ARHGAP45: variants seen among roughly 807,000 people sequenced by gnomAD.
ARHGAP45 encodes the protein rho GTPase-activating protein 45.
ARHGAP45 carries 56 observed loss-of-function variants against 116.1 expected under a neutral mutation model. The ratio of observed to expected loss-of-function variants is 0.48; its 90% CI spans 0.39 to 0.60. The LOEUF is 0.60. ARHGAP45 is among the 20% of genes least tolerant of loss of function. The pLI is 0.00. For synonymous variants in ARHGAP45, 866 were observed against 701.7 expected, an observed-to-expected ratio of 1.23 and a Z score of -3.70; for missense variants, 1,622 against 1,601.0, an observed-to-expected ratio of 1.01 and a Z score of -0.22.
intron 1 of ARHGAP45, among the ~76,000 whole-genome samples, chr19:1,067,963 G>C (rs928354810): frequency 1.5e-5 from 2 of 136,390 alleles, no homozygotes; most frequent in East Asian, 2.6e-4. Flanking sequence ...CTGGGGGGGG[G>C]GTCTACAGAG....
chr19:1,068,895 A>C lies in ARHGAP45; in HGVS notation c.421+151A>C. On this transcript the variant is annotated intron_variant, in intron 2 of 22. Transcript: ENST00000313093. The surrounding 1 kb of genome is among the most constrained non-coding windows in gnomAD (Gnocchi z 7.5). ...AGAGGCCATGACAGCTAAGGCTCTG[A>C]GGGATGTGTAGGAGTTTGGTGGGGG... 1 of 741,516 alleles carries C rather than the reference A, an allele frequency of 1.3e-6. No homozygotes were observed. 45.9% of individuals were successfully genotyped at this position (741,516 alleles called of 1,614,324 possible). A position where few individuals can be genotyped will look rare whatever the true frequency, so the allele number is the denominator to read the frequency against.
chr19:1,075,236 CTTTTTTT>C (rs551827897), intron 10 of ARHGAP45, among the ~76,000 whole-genome samples: 1 of 131,050 alleles, frequency 7.6e-6, no homozygotes, highest in African/African-American at 2.9e-5. Context: ...TGCATGTATT[CTTTTTTT>C]TTTTTTTTTT....
In ARHGAP45 at chr19:1,068,743, C is replaced by T. The variant is rs3764655; in HGVS notation, c.420C>T (p.Asp140=). 4.5e-5 allele frequency: 72 copies of T among 1,610,406 alleles called. No individual in the cohort carries two copies. The East Asian group carries it at 1.0e-3, about 23-fold the overall frequency. Residue 140 remains aspartate, a splice_region_variant and synonymous_variant, in exon 2 of 23, where the codon GAC becomes GAT. Transcript: ENST00000313093. This position sits in a 1 kb window ranked among gnomAD's most constrained non-coding sequence, Gnocchi z 7.5. ...AACTTAAGGAGTGTGTGTTGCGTGA[C>T]GGTGAGAGCCACGGGGACACCGAGG... is the stretch of plus-strand genomic sequence containing the variant. ...LEKLKECVLR[D]DLLEARRPRA... is the part of the protein sequence containing the mutation.
chr19:1,086,187 CT>C lies in ARHGAP45; in HGVS notation c.*183del. ...CAGAGGCTTCCAGGAGCACGAGGGC[CT>C]TGCGGCACAGGACTGTGCCCTGTGC... On this transcript the variant is annotated 3_prime_UTR_variant, in exon 23 of 23. Coordinates refer to ENST00000313093, the MANE Select transcript of ARHGAP45 (RefSeq NM_012292.5). 1.6e-6 allele frequency: 1 copy of C among 608,064 alleles called. No homozygotes were observed. Among genetic ancestry groups the C allele is most frequent in the Non-Finnish European group, 2.9e-6 (1 of 343,950 alleles). 37.7% of individuals were successfully genotyped at this position (608,064 alleles called of 1,614,324 possible).
In ARHGAP45 at chr19:1,080,312, G is replaced by C. The variant is rs2074454; in HGVS notation, c.1761G>C (p.Pro587=). 0.77 allele frequency: 1,233,260 copies of C among 1,611,504 alleles called. 473,193 individuals carry two copies. The highest frequency in any genetic ancestry group is 0.85 in the Admixed American group (51,010 of 59,776). ...SSFNVSDVAR[P]EAAGSPPEEG... The stretch of plus-strand genomic sequence containing the variant: ...TCAACGTGAGTGATGTGGCGCGGCC[G>C]GAGGCTGCCGGGAGCCCCCCAGAAG... Residue 587 remains proline, a synonymous_variant, in exon 14 of 23, where the codon CCG becomes CCC. Coordinates refer to ENST00000313093, the MANE Select transcript of ARHGAP45 (RefSeq NM_012292.5).
intron 10 of ARHGAP45, chr19:1,077,541 G>C: frequency 9.2e-7 from 1 of 1,085,606 alleles, no homozygotes; most frequent in Non-Finnish European, 1.2e-6. Flanking sequence ...GCACCACAAT[G>C]CCCGGCTAAT....
chr19:1,084,444 C>T, intron 22 of ARHGAP45, 98 bp downstream of exon 22: 1 of 842,464 alleles, frequency 1.2e-6, no homozygotes, highest in South Asian at 1.6e-5. Context: ...TGGCAGGGTC[C>T]ACGGTGCTGC....
intron 11 of ARHGAP45, 127 bp from the exon 12 acceptor site, chr19:1,079,576 C>A: frequency 8.5e-7 from 1 of 1,177,530 alleles, no homozygotes; most frequent in Middle Eastern, 2.9e-4. Context: ...TGGCCTCAAG[C>A]AAGTCTCCCA....
In ARHGAP45 at chr19:1,073,566, C is replaced by T. The variant is rs145027652; in HGVS notation, c.626C>T (p.Thr209Met). 3.2e-4 allele frequency: 516 copies of T among 1,613,868 alleles called. 1 individual carries two copies. Among genetic ancestry groups the T allele is most frequent in the African/African-American group, 1.1e-3 (81 of 74,986 alleles). The stretch of plus-strand genomic sequence containing the variant: ...CAGGAGTTCGAGAAGGCCCTGGAGA[C>T]GATTGCTGTGGCCTTCAGTAGCACG... Reference protein sequence around the residue: ...EKQEFEKALETIAVAFSSTVS... With the variant: ...EKQEFEKALEMIAVAFSSTVS... The change falls in exon 4 of 23, where the codon ACG becomes ATG. Residue 209 changes from threonine (T) to methionine (M), a missense_variant. Thr to Met is a moderately conservative substitution (Grantham distance 81, BLOSUM62 -1). Coordinates refer to ENST00000313093, the MANE Select transcript of ARHGAP45 (RefSeq NM_012292.5).
Position 1,078,054 on chromosome 19 carries a change from G to A in ARHGAP45, c.1374+9G>A, listed in dbSNP as rs763959070. ...AGGAGGCCAAGAACAAGGTGAGGGCGGGTGGAGGCAGGGCTGGAGGTCCCT... is the reference window on the plus strand; with the variant it reads ...AGGAGGCCAAGAACAAGGTGAGGGCAGGTGGAGGCAGGGCTGGAGGTCCCT... On this transcript the variant is annotated intron_variant, in intron 11 of 22. Coordinates refer to ENST00000313093, the MANE Select transcript of ARHGAP45 (RefSeq NM_012292.5). 38 of 1,546,284 alleles carry A rather than the reference G, an allele frequency of 2.5e-5. No individual in the cohort carries two copies. Among genetic ancestry groups the A allele is most frequent in the Middle Eastern group, 1.7e-4 (1 of 5,852 alleles).
chr19:1,074,062 G>T, intron 6 of ARHGAP45, 42 bp from the exon 7 acceptor site: 1 of 1,605,006 alleles, frequency 6.2e-7, no homozygotes, highest in Non-Finnish European at 8.5e-7. Context: ...GTGGGCCATT[G>T]CGCGGGTCGG....
rs772053099 is a variant in ARHGAP45, at chr19:1,068,489, G to A, written c.166G>A (p.Val56Ile). 19 of 1,590,658 alleles carry A rather than the reference G, an allele frequency of 1.2e-5. No individual in the cohort carries two copies. Among genetic ancestry groups the A allele is most frequent in the East Asian group, 2.3e-5 (1 of 43,460 alleles). The stretch of plus-strand genomic sequence containing the variant: ...GGAGCCGCCCGCTGGGTCCTCCGGC[G>A]TCAAGGCCACAGGGACCCTCAAGCG... The part of the protein sequence containing the change: ...SLEPPAGSSG[V>I]KATGTLKRPT... The change falls in exon 2 of 23, where the codon GTC becomes ATC. Residue 56 changes from valine to isoleucine, a missense_variant. By Grantham distance (29) the Val-to-Ile change is conservative (BLOSUM62 3). Coordinates refer to ENST00000313093, the MANE Select transcript of ARHGAP45 (RefSeq NM_012292.5). This position sits in a 1 kb window ranked among gnomAD's most constrained non-coding sequence, Gnocchi z 7.5.
intron 22 of ARHGAP45, among the ~76,000 whole-genome samples, chr19:1,085,232 C>G (rs1372181259): frequency 6.6e-6 from 1 of 152,134 alleles, no homozygotes. Context: ...AAAGGGAGAG[C>G]TTGTGTCCGG....
intron 21 of ARHGAP45, 89 bp from the exon 22 acceptor site, chr19:1,084,149 C>A: frequency 8.2e-7 from 1 of 1,214,642 alleles, no homozygotes; most frequent in Non-Finnish European, 1.2e-6. Context: ...GTGTCAGTAG[C>A]TGTTACGGGC....
chr19:1,085,474 G>C (rs1023039481), intron 22 of ARHGAP45, among the ~76,000 whole-genome samples, 186 bp from the exon 23 acceptor site: 6 of 140,140 alleles, frequency 4.3e-5, no homozygotes, highest in Admixed American at 2.9e-4. Context: ...TCCCCGCCAT[G>C]TCTCTCCATC....
chr19:1,075,434 G>A (rs906841184), intron 10 of ARHGAP45, among the ~76,000 whole-genome samples: 9 of 151,772 alleles, frequency 5.9e-5, no homozygotes, highest in African/African-American at 2.2e-4. Context: ...TAGTAGAGAC[G>A]GGGTTTCACC....
chr19:1,086,310 G>A lies in ARHGAP45; in HGVS notation c.*304G>A, dbSNP rs1435820205. 2.9e-6 allele frequency: 1 copy of A among 343,734 alleles called. No homozygotes were observed. Among genetic ancestry groups the A allele is most frequent in the African/African-American group, 2.1e-5 (1 of 47,556 alleles). The allele number at this position is 343,734 out of a possible 1,614,324, so 21.3% of individuals were successfully genotyped here. A position where few individuals can be genotyped will look rare whatever the true frequency, so the allele number is the denominator to read the frequency against. Reference sequence around the variant, plus strand: ...TGCCCACAGGGCTGTGTGGATGGAGGAAGCTGTCCCTGCCCAGTGCATCCC... The same window carrying A: ...TGCCCACAGGGCTGTGTGGATGGAGAAAGCTGTCCCTGCCCAGTGCATCCC... On this transcript the variant is annotated 3_prime_UTR_variant, in exon 23 of 23. Coordinates refer to ENST00000313093, the MANE Select transcript of ARHGAP45 (RefSeq NM_012292.5).
Position 1,073,935 on chromosome 19 carries a change from C to T in ARHGAP45, c.724-13C>T, listed in dbSNP as rs1194889185. On this transcript the variant is annotated splice_polypyrimidine_tract_variant and intron_variant, in intron 5 of 22. Transcript: ENST00000313093. ...CGCATGGGGCTGGTCTCACCTGCGT[C>T]TCCGTCCTACAGTCCATGGAAAGCC... 4 of 1,552,270 alleles carry T rather than the reference C, an allele frequency of 2.6e-6. No homozygotes were observed. The South Asian group carries it at 4.8e-5, about 18-fold the overall frequency.
chr19:1,084,323 AGGC>A lies in ARHGAP45; in HGVS notation c.3050_3052del (p.Ala1017del). ...GAGGCGGTGGTCTACCCGCTGCAGG[AGGC>A]GGCGGCGGACGGGTGCAGAGGTGAG... On this transcript the variant is annotated inframe_deletion, in exon 22 of 23. Coordinates refer to ENST00000313093, the MANE Select transcript of ARHGAP45 (RefSeq NM_012292.5). The A allele has an allele frequency of 6.2e-7, 1 of 1,610,574 alleles. No homozygotes were observed. Among genetic ancestry groups the A allele is most frequent in the Admixed American group, 1.7e-5 (1 of 59,440 alleles).
Sources: gnomAD v4.1 joint callset for allele counts (sites outside exome capture counted in the v4.1 genomes callset) on GRCh38, gnomAD v4.1.1 for gene constraint, Gnocchi (gnomAD v3.1) non-coding constraint, MANE v1.5 for transcripts, NCBI Gene and HGNC (gene_info 2026-07-23, HGNC 2026-07-21) for gene names.